Variants in COL4A6 observed in about 807,000 individuals in gnomAD.
COL4A6 encodes the protein collagen alpha-6(IV) chain.
In COL4A6, 59 loss-of-function variants were observed where a neutral mutation model predicts 126.7. The observed-to-expected ratio is 0.47, with a 90% confidence interval of 0.38 to 0.58. The LOEUF is 0.58. COL4A6 is among the 20% of genes least tolerant of loss of function. The probability of loss-of-function intolerance (pLI) is 0.00; values close to 1 mark genes in which losing one functional copy is unlikely to be tolerated. For synonymous variants in COL4A6, 547 were observed against 496.6 expected (o/e 1.10, Z -1.35); for missense variants, 1,285 against 1,337.3 (o/e 0.96, Z 0.61).
At chrX:108,373,839 G>T (rs2040378628) in intron 2 of COL4A6, among the ~76,000 whole-genome samples, 1 of 111,981 alleles carries the variant, frequency 8.9e-6, no homozygotes, top group South Asian at 3.7e-4. Flanking sequence ...CAGATCCTTT[G>T]CTCCTTTAAA....
chrX:108,383,336 C>A, intron 2 of COL4A6: 2 of 287,203 alleles, frequency 7.0e-6, no homozygotes, highest in South Asian at 6.5e-5. Context: ...AAAGACATAA[C>A]AATTACACAC....
At chrX:108,340,491 G>A (rs1475762736) in intron 2 of COL4A6, among the ~76,000 whole-genome samples, 1 of 110,273 alleles carries the variant, frequency 9.1e-6, no homozygotes, top group African/African-American at 3.3e-5. Context: ...GGTTGTCTCT[G>A]TTACCCCAAA....
At chrX:108,238,898 C>T (rs375970896) in intron 3 of COL4A6, among the ~76,000 whole-genome samples, 1 of 111,907 alleles carries the variant, frequency 8.9e-6, no homozygotes, top group Non-Finnish European at 1.9e-5. Context: ...ATAAGTATAA[C>T]TTGATATCTC....
At chrX:108,251,853 T>C (rs904688261) in intron 3 of COL4A6, among the ~76,000 whole-genome samples, 3 of 111,823 alleles carry the variant, frequency 2.7e-5, no homozygotes, top group Admixed American at 9.5e-5. Context: ...TGTTTTTAAT[T>C]GGCACATAAT....
Position 108,250,208 on chromosome X carries a change from T to C in COL4A6, c.145-28834A>G, listed in dbSNP as rs141814111. ...TTTAATGTAGCTGTTCTCTATAGAG[T>C]ACTGCCTTTTACTTCAAGTCTTTCT... On this transcript the variant is annotated intron_variant, in intron 3 of 44. Transcript: ENST00000334504. Among the ~76,000 whole-genome samples the C allele has an allele frequency of 4.2e-3, 469 of 110,915 alleles. 7 individuals carry two copies. Among genetic ancestry groups the C allele is most frequent in the Admixed American group, 0.04 (424 of 10,474 alleles).
At chrX:108,249,152 C>T (rs774043122) in intron 3 of COL4A6, among the ~76,000 whole-genome samples, 20 of 110,414 alleles carry the variant, frequency 1.8e-4, no homozygotes, top group Non-Finnish European at 3.8e-4. Context: ...CATATCATCC[C>T]GAAACCACCC....
At chrX:108,280,872 A>T (rs1417076130) in intron 3 of COL4A6, among the ~76,000 whole-genome samples, 1 of 112,093 alleles carries the variant, frequency 8.9e-6, no homozygotes, top group African/African-American at 3.2e-5. Flanking sequence ...TCCAGCATAT[A>T]AACAGAACCA....
intron 19 of COL4A6, 87 bp from the exon 20 acceptor site, chrX:108,190,583 C>T (rs1016529444): frequency 3.7e-6 from 2 of 538,294 alleles, no homozygotes; most frequent in Admixed American, 3.1e-5. Flanking sequence ...ATCACCAAGG[C>T]CCAAGTCCTT....
intron 2 of COL4A6, among the ~76,000 whole-genome samples, chrX:108,322,451 G>A (rs1338276271): frequency 8.9e-6 from 1 of 111,822 alleles, no homozygotes; most frequent in East Asian, 2.8e-4. Flanking sequence ...CTGCTCAACT[G>A]TGTTCACACC....
chrX:108,161,275 CCT>C (rs899276883), intron 42 of COL4A6, among the ~76,000 whole-genome samples: 14 of 111,679 alleles, frequency 1.3e-4, no homozygotes, highest in African/African-American at 4.6e-4. Context: ...TGAACATCCC[CCT>C]CTCATGTGTG....
chrX:108,334,744 G>A (rs948126994), intron 2 of COL4A6, among the ~76,000 whole-genome samples: 1 of 111,349 alleles, frequency 9.0e-6, no homozygotes, highest in African/African-American at 3.3e-5. Context: ...AAGGATCCGG[G>A]TCCAAATCTT....
intron 4 of COL4A6, chrX:108,220,976 T>G (rs868293559): frequency 7.1e-5 from 25 of 351,813 alleles, no homozygotes; most frequent in Middle Eastern, 7.8e-4. Flanking sequence ...CAGGCACCTG[T>G]AATCCCAGCT....
intron 7 of COL4A6, among the ~76,000 whole-genome samples, chrX:108,210,668 T>C (rs1019668442): frequency 1.9e-4 from 21 of 112,253 alleles, no homozygotes; most frequent in African/African-American, 6.5e-4. Context: ...CTCTGTAGCA[T>C]GGAAAGAGCA....
intron 2 of COL4A6, among the ~76,000 whole-genome samples, chrX:108,359,345 T>C (rs1238535831): frequency 1.8e-5 from 2 of 112,723 alleles, no homozygotes; most frequent in Non-Finnish European, 3.7e-5. Context: ...AATCCAGATC[T>C]GTCTGACACC....
At chrX:108,408,792 T>TC (rs768486438) in intron 2 of COL4A6, among the ~76,000 whole-genome samples, 1 of 110,478 alleles carries the variant, frequency 9.1e-6, no homozygotes, top group South Asian at 3.9e-4. Flanking sequence ...AGAAACCCCG[T>TC]CCCTACTAAA....
intron 3 of COL4A6, among the ~76,000 whole-genome samples, chrX:108,228,935 A>T (rs1399886844): frequency 2.7e-5 from 3 of 112,391 alleles, no homozygotes; most frequent in Non-Finnish European, 5.6e-5. Context: ...GTGTGAATTG[A>T]CAAGGGAGCA....
chrX:108,179,510 G>A (rs2034614612), intron 25 of COL4A6, 72 bp from the exon 26 acceptor site: 3 of 824,021 alleles, frequency 3.6e-6, no homozygotes, highest in South Asian at 5.3e-5. Flanking sequence ...AGATCTCTGA[G>A]ACAGATTTTT....
chrX:108,205,358 C>A, intron 11 of COL4A6, 81 bp downstream of exon 11: 1 of 804,672 alleles, frequency 1.2e-6, no homozygotes, highest in Non-Finnish European at 1.9e-6. Context: ...AATCCTCTTA[C>A]ACAAGCAGGC....
intron 3 of COL4A6, among the ~76,000 whole-genome samples, chrX:108,309,978 G>A (rs193043125): frequency 2.2e-4 from 25 of 111,275 alleles, no homozygotes; most frequent in African/African-American, 7.8e-4. Context: ...TTTTGAATTA[G>A]GGATGCTCAA....
Sources: gnomAD v4.1 joint callset for allele counts (sites outside exome capture counted in the v4.1 genomes callset) on GRCh38, gnomAD v4.1.1 for gene constraint, MANE v1.5 for transcripts, NCBI Gene and HGNC (gene_info 2026-07-23, HGNC 2026-07-21) for gene names.